Variants in ARHGAP24 observed in about 807,000 individuals in gnomAD.
The protein encoded by ARHGAP24 is rho GTPase-activating protein 24.
ARHGAP24 carries 50 observed loss-of-function variants against 76.4 expected under a neutral mutation model. That is an observed-to-expected ratio of 0.65 (90% CI 0.52 to 0.83). The LOEUF is 0.83. Among genes scored for constraint, ARHGAP24 ranks in the 40% least tolerant of loss-of-function variants. The pLI is 0.00. For missense variants in ARHGAP24, 930 were observed against 914.2 expected (o/e 1.02, Z -0.22); for synonymous variants, 345 against 323.3 (o/e 1.07, Z -0.72).
At chr4:85,792,550 G>C (rs1051559706) in intron 3 of ARHGAP24, among the ~76,000 whole-genome samples, 25 of 151,776 alleles carry the variant, frequency 1.6e-4, no homozygotes, top group African/African-American at 6.1e-4. Context: ...TGTCCTCATA[G>C]CTTATCTGAA....
At chr4:85,655,792 T>TATAGAGAGAGAG (rs1553920518) in intron 2 of ARHGAP24, among the ~76,000 whole-genome samples, 19 of 37,692 alleles carry the variant, frequency 5.0e-4, no homozygotes, top group African/African-American at 1.3e-3. Flanking sequence ...TATATATATA[T>TATAGAGAGAGAG]AGAGAGAGAG....
chr4:85,560,653 T>G (rs1254883714), intron 1 of ARHGAP24, among the ~76,000 whole-genome samples: 2 of 152,214 alleles, frequency 1.3e-5, no homozygotes, highest in African/African-American at 4.8e-5. Context: ...TATTCGTGGC[T>G]GTTGTGCTTC....
chr4:85,930,697 A>T (rs1736280431), intron 4 of ARHGAP24: 1 of 1,210,724 alleles, frequency 8.3e-7, no homozygotes, highest in Non-Finnish European at 1.0e-6. Flanking sequence ...AAAAAACCTT[A>T]AAAACTCCCT....
At chr4:85,875,639 A>G (rs1361854862) in intron 3 of ARHGAP24, among the ~76,000 whole-genome samples, 54 of 125,688 alleles carry the variant, frequency 4.3e-4, no homozygotes, top group African/African-American at 1.5e-3. Context: ...TAATATAAAT[A>G]TATATTTATA....
intron 9 of ARHGAP24, among the ~76,000 whole-genome samples, chr4:85,997,930 T>G (rs1351850439): frequency 2.6e-5 from 4 of 152,210 alleles, no homozygotes; most frequent in African/African-American, 9.6e-5. Context: ...GTGCTGGGGT[T>G]ACAGGCATAA....
intron 1 of ARHGAP24, among the ~76,000 whole-genome samples, chr4:85,547,842 AT>A (rs1450677194): frequency 2.6e-5 from 4 of 152,204 alleles, no homozygotes; most frequent in African/African-American, 4.8e-5. Context: ...CTTTGACACT[AT>A]TTAAATATCT....
chr4:85,711,764 T>C (rs548618143), intron 2 of ARHGAP24, among the ~76,000 whole-genome samples: 2 of 152,320 alleles, frequency 1.3e-5, no homozygotes, highest in Admixed American at 1.3e-4. Context: ...AGAGATTATA[T>C]AGCTTCTTCC....
intron 3 of ARHGAP24, among the ~76,000 whole-genome samples, chr4:85,793,940 A>G (rs1450240097): frequency 6.6e-6 from 1 of 152,216 alleles, no homozygotes; most frequent in African/African-American, 2.4e-5. Flanking sequence ...ACCTGAGAAG[A>G]AAGTTTTGTG....
At chr4:85,812,548 G>A (rs1490238179) in intron 3 of ARHGAP24, among the ~76,000 whole-genome samples, 1 of 151,934 alleles carries the variant, frequency 6.6e-6, no homozygotes, top group Non-Finnish European at 1.5e-5. Context: ...CCTGTGTTAA[G>A]GAAACCACTC....
At chr4:85,735,873 C>T (rs1725586261) in intron 3 of ARHGAP24, among the ~76,000 whole-genome samples, 1 of 152,070 alleles carries the variant, frequency 6.6e-6, no homozygotes. Context: ...TTTTTATATT[C>T]AAGTATGATC....
intron 1 of ARHGAP24, among the ~76,000 whole-genome samples, chr4:85,549,533 A>G (rs745842784): frequency 2.0e-5 from 3 of 151,970 alleles, no homozygotes; most frequent in Non-Finnish European, 2.9e-5. Flanking sequence ...TATTATGGAT[A>G]TAAGTTTTTT....
intron 3 of ARHGAP24, among the ~76,000 whole-genome samples, chr4:85,828,621 T>TATTTGA (rs937575031): frequency 3.3e-5 from 5 of 152,174 alleles, no homozygotes; most frequent in African/African-American, 4.8e-5. Context: ...GTTATCCGCA[T>TATTTGA]ATTTGAATTT....
intron 3 of ARHGAP24, among the ~76,000 whole-genome samples, chr4:85,855,547 A>C (rs143309183): frequency 0.073 from 11,097 of 151,488 alleles, 665 homozygotes; most frequent in Non-Finnish European, 0.12. Flanking sequence ...TCTCTACTAA[A>C]GTACAAAAAT....
At chr4:85,906,827 G>A (rs191130276) in intron 3 of ARHGAP24, among the ~76,000 whole-genome samples, 191 of 148,670 alleles carry the variant, frequency 1.3e-3, no homozygotes, top group African/African-American at 4.4e-3. Context: ...ACAAAAAGAA[G>A]AGATTTTTTT....
At chr4:85,711,397 C>G (rs941824791) in intron 2 of ARHGAP24, among the ~76,000 whole-genome samples, 4 of 152,052 alleles carry the variant, frequency 2.6e-5, no homozygotes, top group Non-Finnish European at 5.9e-5. Context: ...AACCTTATAG[C>G]GAAAGTATTA....
chr4:85,823,454 C>T (rs745890), intron 3 of ARHGAP24, among the ~76,000 whole-genome samples: 59,524 of 151,942 alleles, frequency 0.39, 13,221 homozygotes, highest in East Asian at 0.84. Context: ...CTTTTGAAGG[C>T]TTTTCCCTCA....
At chr4:85,641,692 C>CTA (rs1200544622) in intron 2 of ARHGAP24, among the ~76,000 whole-genome samples, 1 of 152,188 alleles carries the variant, frequency 6.6e-6, no homozygotes, top group African/African-American at 2.4e-5. Flanking sequence ...GCTAAACCAT[C>CTA]TAGGAGAACT....
chr4:85,725,369 C>A (rs1038883592), intron 3 of ARHGAP24, among the ~76,000 whole-genome samples: 2 of 152,234 alleles, frequency 1.3e-5, no homozygotes, highest in African/African-American at 4.8e-5. Flanking sequence ...ACTGCCCCCA[C>A]TCTGCTATGT....
chr4:85,583,136 T>C (rs925690599), intron 2 of ARHGAP24, among the ~76,000 whole-genome samples: 2 of 152,178 alleles, frequency 1.3e-5, no homozygotes, highest in African/African-American at 4.8e-5. Flanking sequence ...GCTCAGAAAT[T>C]AAAATAACAA....
Sources: gnomAD v4.1 joint callset for allele counts (sites outside exome capture counted in the v4.1 genomes callset) on GRCh38, gnomAD v4.1.1 for gene constraint, MANE v1.5 for transcripts, NCBI Gene and HGNC (gene_info 2026-07-23, HGNC 2026-07-21) for gene names.